Variants in CSF1R observed in about 807,000 individuals in gnomAD.
CSF1R encodes macrophage colony-stimulating factor 1 receptor.
CSF1R carries 40 observed loss-of-function variants against 110.0 expected under a neutral mutation model. The ratio of observed to expected loss-of-function variants is 0.36; its 90% confidence interval spans 0.28 to 0.47. CSF1R has a LOEUF of 0.47. CSF1R is among the 20% of genes least tolerant of loss of function. The pLI is 0.99. For missense variants in CSF1R, 1,052 were observed against 1,253.0 expected (o/e 0.84, Z 2.42); for synonymous variants, 523 against 503.4 (o/e 1.04, Z -0.52).
chr5:150,053,659 ACT>A lies in CSF1R; in HGVS notation c.*408_*409del, dbSNP rs1298068448. 9 of 291,494 alleles carry A rather than the reference ACT, an allele frequency of 3.1e-5. No homozygotes were observed. In the East Asian group the frequency reaches 3.9e-4, roughly 13 times the overall value. The allele number at this position is 291,494 out of a possible 1,614,324, so 18.1% of individuals were successfully genotyped here. ...TGCTCCTCTCAGAGAGGGAGATCTC[ACT>A]CTCTGCCAGTCTGTCTAGCCCCAAA... On this transcript the variant is annotated 3_prime_UTR_variant, in exon 21 of 21. Coordinates refer to ENST00000675795, the MANE Select transcript of CSF1R (RefSeq NM_001288705.3).
chr5:150,096,807 T>C (rs918954213), intron 1 of CSF1R, among the ~76,000 whole-genome samples: 2 of 152,210 alleles, frequency 1.3e-5, no homozygotes, highest in African/African-American at 4.8e-5. Flanking sequence ...TTCTTCAATA[T>C]GGTAAAGGGC....
At chr5:150,087,052 A>G, upstream of CSF1R, among the ~76,000 whole-genome samples, 1 of 152,164 alleles carries the variant, frequency 6.6e-6, no homozygotes, top group East Asian at 1.9e-4. Flanking sequence ...ATCATAGCTC[A>G]CTGCAGCCTC....
At chr5:150,065,132 C>G (rs1757703104) in intron 10 of CSF1R, among the ~76,000 whole-genome samples, 1 of 152,200 alleles carries the variant, frequency 6.6e-6, no homozygotes, top group South Asian at 2.1e-4. Context: ...AGGCCCACCC[C>G]CTGACTTCTT....
chr5:150,107,848 A>T (rs894919868), intron 1 of CSF1R, among the ~76,000 whole-genome samples: 2 of 152,242 alleles, frequency 1.3e-5, no homozygotes, highest in African/African-American at 4.8e-5. Context: ...ATGCAGGTGA[A>T]GGGCATGCAA....
rs1228572300 is a variant in CSF1R at position 150,060,955 on chromosome 5, C to T, written c.1876G>A (p.Glu626Lys). The T allele has an allele frequency of 6.2e-7, 1 of 1,604,822 alleles. No homozygotes were observed. The highest frequency in any genetic ancestry group is 1.7e-5 in the Admixed American group (1 of 58,814). Residue 626 changes from glutamate (E) to lysine (K), a missense_variant, in exon 13 of 21, where the codon GAG becomes AAG. Glu to Lys is a moderately conservative substitution (Grantham distance 56). Transcript: ENST00000675795. ...AGCTCGGACATGAGGGCCTCCTTCT[C>T]ATCAGCATGGGCCGTGGCTGGGAGG... ...KMLKSTAHAD[E>K]KEALMSELKI... is the part of the protein sequence containing the mutation.
At chr5:150,066,629 G>A (rs1757789029) in intron 10 of CSF1R, among the ~76,000 whole-genome samples, 1 of 152,228 alleles carries the variant, frequency 6.6e-6, no homozygotes, top group Admixed American at 6.5e-5. Flanking sequence ...TTCTCATGCT[G>A]AGTGCTGGCA....
intron 18 of CSF1R, among the ~76,000 whole-genome samples, chr5:150,055,643 C>A (rs549423029): frequency 6.6e-6 from 1 of 152,138 alleles, no homozygotes; most frequent in Non-Finnish European, 1.5e-5. Flanking sequence ...ATAGGAGCAG[C>A]GTATTTAAGA....
chr5:150,080,455 G>T, intron 2 of CSF1R, 119 bp from the exon 3 acceptor site: 2 of 1,325,986 alleles, frequency 1.5e-6, no homozygotes, highest in Non-Finnish European at 2.0e-6. Flanking sequence ...GTCACACCAC[G>T]CCAGGACAGT....
At chr5:150,077,250 C>A (rs776541525) in intron 5 of CSF1R, 26 bp downstream of exon 5, 1 of 1,614,170 alleles carries the variant, frequency 6.2e-7, no homozygotes. Context: ...TCCCTACCGA[C>A]TGTCCACCAC....
At chr5:150,071,013 C>G (rs1758009341) in intron 6 of CSF1R, among the ~76,000 whole-genome samples, 2 of 152,190 alleles carry the variant, frequency 1.3e-5, no homozygotes, top group Non-Finnish European at 2.9e-5. Flanking sequence ...GACTGGGGTT[C>G]AAGTCCTGGT....
In CSF1R at chr5:150,100,290, C is replaced by CTTTTTTTTTT. The variant is rs752638971; in HGVS notation, c.-181+12961_-181+12970dup. On this transcript the variant is annotated intron_variant, in intron 1 of 21. Coordinates refer to the CSF1R transcript ENST00000286301. The stretch of plus-strand genomic sequence containing the variant: ...AGTGAACCTAAGATCATTGGCTAAC[C>CTTTTTTTTTT]TTTTTTTTTTTTTTTTTTTTTTTCT... 6.5e-4 allele frequency among the ~76,000 whole-genome samples: 58 copies of CTTTTTTTTTT among 89,378 alleles called. 11 individuals are homozygous for CTTTTTTTTTT. The highest frequency in any genetic ancestry group is 6.9e-4 in the Non-Finnish European group (33 of 48,172). 58.6% of individuals were successfully genotyped at this position (89,378 alleles called of 152,430 possible).
upstream of CSF1R, among the ~76,000 whole-genome samples, chr5:150,087,715 T>C (rs1758898902): frequency 6.6e-6 from 1 of 152,072 alleles, no homozygotes; most frequent in South Asian, 2.1e-4. Context: ...CTAAAGAACA[T>C]GGTCATTTCT....
At chr5:150,104,688 C>T (rs1290383411) in intron 1 of CSF1R, among the ~76,000 whole-genome samples, 1 of 152,198 alleles carries the variant, frequency 6.6e-6, no homozygotes, top group African/African-American at 2.4e-5. Flanking sequence ...CAAGATCACA[C>T]AGCTGGTGAG....
At chr5:150,060,838 C>G (rs780905525) in intron 13 of CSF1R, 24 bp downstream of exon 13, 1 of 1,534,538 alleles carries the variant, frequency 6.5e-7, no homozygotes, top group Non-Finnish European at 8.9e-7. Flanking sequence ...AAGACCTTGG[C>G]CCCAGGAACC....
upstream of CSF1R, among the ~76,000 whole-genome samples, chr5:150,091,130 G>A (rs114987623): frequency 0.01 from 1,596 of 152,120 alleles, 19 homozygotes; most frequent in African/African-American, 0.037. Flanking sequence ...AAAAAAAATC[G>A]GATAACAAGT....
At chr5:150,078,072 A>T (rs1349546090) in intron 4 of CSF1R, 40 bp downstream of exon 4, 1 of 1,611,480 alleles carries the variant, frequency 6.2e-7, no homozygotes, top group Non-Finnish European at 8.5e-7. Flanking sequence ...GTGTGCTGGG[A>T]GGATGGCCAG....
chr5:150,064,719 C>T (rs190898787), intron 10 of CSF1R, among the ~76,000 whole-genome samples: 25 of 152,294 alleles, frequency 1.6e-4, no homozygotes, highest in African/African-American at 4.8e-4. Context: ...CTGCCCCCAG[C>T]TGGGCAGGGG....
intron 1 of CSF1R, among the ~76,000 whole-genome samples, chr5:150,093,917 G>T (rs771983173): frequency 6.6e-6 from 1 of 152,108 alleles, no homozygotes; most frequent in Non-Finnish European, 1.5e-5. Flanking sequence ...TATAAAATTA[G>T]CTGGGTGTGG....
intron 16 of CSF1R, among the ~76,000 whole-genome samples, chr5:150,056,696 C>G (rs556663691): frequency 1.3e-5 from 2 of 152,214 alleles, no homozygotes; most frequent in African/African-American, 4.8e-5. Context: ...TGCTATCTGC[C>G]AGGCCCTTCC....
Sources: gnomAD v4.1 joint callset for allele counts (sites outside exome capture counted in the v4.1 genomes callset) on GRCh38, gnomAD v4.1.1 for gene constraint, MANE v1.5 for transcripts, NCBI Gene and HGNC (gene_info 2026-07-23, HGNC 2026-07-21) for gene names.